The following NSD3 variants were observed in gnomAD, a reference collection of about 807,000 sequenced individuals.
NSD3 encodes the protein histone-lysine N-methyltransferase NSD3.
In NSD3, 24 loss-of-function variants were observed where a neutral mutation model predicts 160.8. That is an observed-to-expected ratio of 0.15 (90% CI 0.11 to 0.21). NSD3 has a LOEUF of 0.21. NSD3 is among the 10% of genes least tolerant of loss of function. The pLI is 1.00. For synonymous variants in NSD3, 520 were observed against 600.0 expected (o/e 0.87, Z 1.95); for missense variants, 1,157 against 1,735.9 (o/e 0.67, Z 5.93).
intron 2 of NSD3, among the ~76,000 whole-genome samples, chr8:38,345,817 G>A (rs938767907): frequency 6.6e-6 from 1 of 152,044 alleles, no homozygotes; most frequent in Non-Finnish European, 1.5e-5. Context: ...GCTGAGGCAG[G>A]AGAATTGCTT....
At chr8:38,300,901 G>C (rs976539703) in intron 14 of NSD3, among the ~76,000 whole-genome samples, 3 of 152,168 alleles carry the variant, frequency 2.0e-5, no homozygotes, top group Non-Finnish European at 4.4e-5. Flanking sequence ...ACACTGAGAC[G>C]AATTCAAGAA....
At position 38,306,581 on chromosome 8, in the gene NSD3, T is replaced by C. The variant is rs74302887; in HGVS notation, c.2243-1136A>G. ...ATGCAACAAAAATGACAAAAGATTA[T>C]GTTTTGTTGTATAAACAGTTTACAT... On this transcript the variant is annotated intron_variant, in intron 12 of 23. Coordinates refer to ENST00000317025, the MANE Select transcript of NSD3 (RefSeq NM_023034.2). Among the ~76,000 whole-genome samples, 5 of 152,252 alleles carry C rather than the reference T, an allele frequency of 3.3e-5. No individual in the cohort carries two copies. In the East Asian group the frequency reaches 7.7e-4, roughly 23 times the overall value.
intron 1 of NSD3, among the ~76,000 whole-genome samples, chr8:38,351,097 G>C (rs1043889098): frequency 3.3e-5 from 5 of 150,380 alleles, no homozygotes; most frequent in Admixed American, 2.0e-4. Context: ...TCAGCCTCCC[G>C]AATAGCTGGG....
intron 6 of NSD3, among the ~76,000 whole-genome samples, chr8:38,328,361 T>C (rs1809966159): frequency 6.6e-6 from 1 of 152,138 alleles, no homozygotes; most frequent in Non-Finnish European, 1.5e-5. Context: ...AAAGCCAATT[T>C]GTACTCAAAA....
At chr8:38,352,901 CTTT>C (rs756603138) in intron 1 of NSD3, among the ~76,000 whole-genome samples, 1 of 152,192 alleles carries the variant, frequency 6.6e-6, no homozygotes, top group African/African-American at 2.4e-5. Context: ...GAAAAGAATT[CTTT>C]TGTTCAGGTA....
chr8:38,312,752 C>T lies in NSD3; in HGVS notation c.2242+1895G>A, dbSNP rs551947652. Among the ~76,000 whole-genome samples, 8 of 152,254 alleles carry T rather than the reference C, an allele frequency of 5.3e-5. No individual in the cohort carries two copies. In the South Asian group the frequency reaches 1.7e-3, roughly 32 times the overall value. ...TGCCATGATTGTAAGTTTCCTGAGG[C>T]CTCCTCAGAAGCCAAGCAGATACTG... is the stretch of plus-strand genomic sequence containing the variant. On this transcript the variant is annotated intron_variant, in intron 12 of 23. Transcript: ENST00000317025.
intron 14 of NSD3, among the ~76,000 whole-genome samples, chr8:38,302,045 C>T (rs1224780127): frequency 6.6e-6 from 1 of 152,214 alleles, no homozygotes; most frequent in Non-Finnish European, 1.5e-5. Context: ...GATTAGGTGG[C>T]ATGTGGAAGA....
At chr8:38,304,450 T>C in intron 14 of NSD3, 137 bp downstream of exon 14, 1 of 698,580 alleles carries the variant, frequency 1.4e-6, no homozygotes, top group Non-Finnish European at 2.3e-6. Flanking sequence ...CTCAGGGATA[T>C]ATTACAGTGG....
At chr8:38,296,584 A>C (rs1809150752) in intron 15 of NSD3, among the ~76,000 whole-genome samples, 2 of 151,974 alleles carry the variant, frequency 1.3e-5, no homozygotes, top group South Asian at 4.1e-4. Context: ...TTTCATCACC[A>C]AGGATTCCCT....
Position 38,321,099 on chromosome 8 carries a change from C to G in NSD3, c.1782G>C (p.Val594=). The change falls in exon 8 of 24, where the codon GTG becomes GTC. Residue 594 remains valine, a synonymous_variant. Transcript: ENST00000317025. This position sits in a 1 kb window ranked among gnomAD's most constrained non-coding sequence, Gnocchi z 4.7. Reference sequence around the variant, plus strand: ...GCTCCTTTTTGATCTTCTTCTTTGGCACAACCTCAGTGGATTTCTCTGATT... The same window carrying G: ...GCTCCTTTTTGATCTTCTTCTTTGGGACAACCTCAGTGGATTTCTCTGATT... ...RSESEKSTEV[V]PKKKIKKEQV... is the part of the protein sequence containing the mutation. The G allele has an allele frequency of 6.2e-7, 1 of 1,613,482 alleles. No individual in the cohort carries two copies. Among genetic ancestry groups the G allele is most frequent in the Non-Finnish European group, 8.5e-7 (1 of 1,179,870 alleles).
chr8:38,284,894 T>C (rs1335977873), intron 19 of NSD3, among the ~76,000 whole-genome samples: 1 of 152,218 alleles, frequency 6.6e-6, no homozygotes, highest in African/African-American at 2.4e-5. Flanking sequence ...AGTGCTGATA[T>C]CAAATATGAG....
At chr8:38,293,357 C>T (rs144691922) in intron 16 of NSD3, among the ~76,000 whole-genome samples, 6 of 151,382 alleles carry the variant, frequency 4.0e-5, no homozygotes, top group African/African-American at 7.3e-5. Flanking sequence ...TGAGACCATC[C>T]GGGCCAACAT....
intron 19 of NSD3, among the ~76,000 whole-genome samples, chr8:38,283,011 G>A (rs375204507): frequency 6.5e-4 from 99 of 152,284 alleles, no homozygotes; most frequent in African/African-American, 2.2e-3. Flanking sequence ...CATATGGTGA[G>A]TGTATGTTTC....
At chr8:38,285,225 T>C (rs1327547193) in intron 19 of NSD3, among the ~76,000 whole-genome samples, 1 of 152,194 alleles carries the variant, frequency 6.6e-6, no homozygotes, top group Admixed American at 6.5e-5. Flanking sequence ...TATCTTAAAA[T>C]AGACCACAGC....
chr8:38,357,903 C>T (rs999437990), intron 1 of NSD3, among the ~76,000 whole-genome samples: 1 of 152,126 alleles, frequency 6.6e-6, no homozygotes, highest in African/African-American at 2.4e-5. Context: ...AGGTAATATC[C>T]TTGGTAAAAT....
chr8:38,339,687 C>G (rs1810311894), intron 2 of NSD3, among the ~76,000 whole-genome samples: 1 of 150,816 alleles, frequency 6.6e-6, no homozygotes, highest in Admixed American at 6.6e-5. Flanking sequence ...GATCATGCCA[C>G]TGCACTCCAG....
intron 22 of NSD3, 40 bp downstream of exon 22, chr8:38,278,266 T>C (rs1202420227): frequency 1.9e-6 from 3 of 1,585,040 alleles, no homozygotes; most frequent in East Asian, 2.2e-5. Context: ...CCCTACTCCT[T>C]ATCGCCTGTT....
Position 38,295,925 on chromosome 8 carries a change from C to T in NSD3, c.2786G>A (p.Cys929Tyr), listed in dbSNP as rs1445869811. 2 of 1,613,316 alleles carry T rather than the reference C, an allele frequency of 1.2e-6. No individual in the cohort carries two copies. Among genetic ancestry groups the T allele is most frequent in the East Asian group, 2.2e-5 (1 of 44,826 alleles). The change falls in exon 16 of 24, where the codon TGC (cysteine) becomes TAC (tyrosine). Residue 929 changes from cysteine to tyrosine, a missense_variant. Physicochemically the swap from Cys to Tyr is radical, Grantham distance 194 (BLOSUM62 -2). Transcript: ENST00000317025. Reference protein sequence around the residue: ...KGGRLLCCESCPASFHPECLS... With the variant: ...KGGRLLCCESYPASFHPECLS... ...GCATTCCGGGTGGAAGGAAGCTGGG[C>T]ACGATTCACAGCAGAGCAATCTTCC...
chr8:38,348,485 T>C (rs980509552), intron 1 of NSD3, among the ~76,000 whole-genome samples: 2 of 152,146 alleles, frequency 1.3e-5, no homozygotes, highest in African/African-American at 2.4e-5. Flanking sequence ...ACACACGAAA[T>C]AGTTTTGACA....
Sources: allele counts gnomAD v4.1 joint callset (sites outside exome capture counted in the v4.1 genomes callset), GRCh38; gene constraint gnomAD v4.1.1; non-coding constraint Gnocchi (gnomAD v3.1); transcripts MANE v1.5; gene names NCBI Gene and HGNC (gene_info 2026-07-23, HGNC 2026-07-21).